CLCA2: variants seen among roughly 807,000 people sequenced by gnomAD.
The protein encoded by CLCA2 is calcium-activated chloride channel regulator 2.
CLCA2 carries 85 observed loss-of-function variants against 82.9 expected under a neutral mutation model. That is an observed-to-expected ratio of 1.03 (90% CI 0.86 to 1.23). The LOEUF is 1.23. Ranked by LOEUF, CLCA2 falls within the 50% of genes most tolerant of loss-of-function variation. CLCA2 has a pLI of 0.00. For missense variants in CLCA2, 1,089 were observed against 1,124.8 expected, an observed-to-expected ratio of 0.97 and a Z score of 0.45; for synonymous variants, 421 against 391.7, an observed-to-expected ratio of 1.07 and a Z score of -0.88.
At position 86,455,866 on chromosome 1, in the gene CLCA2, T is replaced by A. The variant is rs1324726153; in HGVS notation, c.*339T>A. ...CAGAGAAAAGGAGGGTAGGTCTGCATTATAACTGTCTGTGTGAAGCAATCA... is the reference window on the plus strand; with the variant it reads ...CAGAGAAAAGGAGGGTAGGTCTGCAATATAACTGTCTGTGTGAAGCAATCA... On this transcript the variant is annotated 3_prime_UTR_variant, in exon 14 of 14. Transcript: ENST00000370565. 1 of 159,490 alleles carries A rather than the reference T, an allele frequency of 6.3e-6. No individual in the cohort carries two copies. The highest frequency in any genetic ancestry group is 1.4e-5 in the Non-Finnish European group (1 of 73,098). The allele number at this position is 159,490 out of a possible 1,614,324, so 9.9% of individuals were successfully genotyped here. A position where few individuals can be genotyped will look rare whatever the true frequency, so the allele number is the denominator to read the frequency against.
intron 9 of CLCA2, 149 bp downstream of exon 9, chr1:86,441,692 C>A (rs1016125132): frequency 1.8e-6 from 1 of 545,638 alleles, no homozygotes; most frequent in Non-Finnish European, 3.3e-6. Flanking sequence ...GGCTGCTTGG[C>A]ATCACCAGAG....
intron 10 of CLCA2, among the ~76,000 whole-genome samples, chr1:86,447,119 T>C (rs1334053440): frequency 6.6e-6 from 1 of 152,214 alleles, no homozygotes; most frequent in African/African-American, 2.4e-5. Context: ...TTTTCTCAGT[T>C]ATGAAAAGAA....
At position 86,455,485 on chromosome 1, in the gene CLCA2, A is replaced by G. The variant is rs1274103040; in HGVS notation, c.2790A>G (p.Lys930=). The G allele has an allele frequency of 6.6e-7, 1 of 1,506,564 alleles. No individual in the cohort carries two copies. The highest frequency in any genetic ancestry group is 1.4e-5 in the African/African-American group (1 of 71,502). 93.3% of individuals were successfully genotyped at this position (1,506,564 alleles called of 1,614,324 possible). ...TGACACATCATACTTTAAGCAGGAA[A>G]AAGAGAGCAGACAAGAAAGAGAATG... is the stretch of plus-strand genomic sequence containing the variant. ...IVVTHHTLSR[K]KRADKKENGT... Residue 930 remains lysine (K), a synonymous_variant, in exon 14 of 14, where the codon AAA becomes AAG. Coordinates refer to ENST00000370565, the MANE Select transcript of CLCA2 (RefSeq NM_006536.7).
At chr1:86,438,198 G>T (rs923083232) in intron 6 of CLCA2, among the ~76,000 whole-genome samples, 2 of 152,150 alleles carry the variant, frequency 1.3e-5, no homozygotes, top group Non-Finnish European at 1.5e-5. Context: ...AGCTCAGCTT[G>T]CTGCTCCTCT....
At position 86,453,439 on chromosome 1, in the gene CLCA2, C is replaced by G; in HGVS notation, c.2226C>G (p.Ser742Arg). The G allele has an allele frequency of 6.2e-7, 1 of 1,614,022 alleles. No individual in the cohort carries two copies. The highest frequency in any genetic ancestry group is 2.2e-5 in the East Asian group (1 of 44,860). The change falls in exon 13 of 14, where the codon AGC becomes AGG. Residue 742 changes from serine (S) to arginine (R), a missense_variant. By Grantham distance (110) the Ser-to-Arg change is moderately radical. Transcript: ENST00000370565. ...AGGAGGAGCGAAAGTGGGGCTTTAG[C>G]CGAGTCAGCTCAGGAGGCTCCTTTT... ...RNEEERKWGF[S>R]RVSSGGSFSV...
chr1:86,433,181 A>C (rs754784609), intron 5 of CLCA2, among the ~76,000 whole-genome samples: 1 of 152,234 alleles, frequency 6.6e-6, no homozygotes, highest in African/African-American at 2.4e-5. Flanking sequence ...CACCAGATGC[A>C]TAGTCAGAGA....
intron 4 of CLCA2, among the ~76,000 whole-genome samples, chr1:86,431,297 T>C (rs1054137081): frequency 6.6e-6 from 1 of 152,226 alleles, no homozygotes; most frequent in Non-Finnish European, 1.5e-5. Context: ...CAATATTTCT[T>C]CAGGCAAATT....
chr1:86,435,200 A>G (rs1379754719), intron 6 of CLCA2, among the ~76,000 whole-genome samples: 1 of 152,164 alleles, frequency 6.6e-6, no homozygotes, highest in Non-Finnish European at 1.5e-5. Flanking sequence ...GGTTGGGAGG[A>G]ACAAATTCAG....
chr1:86,430,899 G>A lies in CLCA2; in HGVS notation c.513G>A (p.Trp171Ter). The A allele has an allele frequency of 1.9e-6, 3 of 1,613,756 alleles. No homozygotes were observed. Among genetic ancestry groups the A allele is most frequent in the Non-Finnish European group, 2.5e-6 (3 of 1,179,832 alleles). ...VFVHEWAHLR[W>*]GVFDEYNNDK... The stretch of plus-strand genomic sequence containing the variant: ...TCCATGAATGGGCCCACCTCCGTTG[G>A]GGTGTGTTCGATGAGTATAACAATG... The change falls in exon 4 of 14, where the codon TGG (tryptophan) becomes TGA (stop). Residue 171 changes from tryptophan (W) to a stop codon, truncating the protein, a stop_gained. Transcript: ENST00000370565. LOFTEE classifies it high-confidence loss of function.
rs34979893 is a variant in CLCA2 at position 86,434,682 on chromosome 1, G to A, written c.909G>A (p.Ser303=). Residue 303 remains serine (S), a synonymous_variant, in exon 6 of 14, where the codon TCG becomes TCA. Coordinates refer to ENST00000370565, the MANE Select transcript of CLCA2 (RefSeq NM_006536.7). ...AGCTTCCACCTCCTCCCACATTCTCGCTTGTACAGGCTGGTGACAAAGTGG... is the reference window on the plus strand; with the variant it reads ...AGCTTCCACCTCCTCCCACATTCTCACTTGTACAGGCTGGTGACAAAGTGG... ...GTELPPPPTF[S]LVQAGDKVVC... is the part of the protein sequence containing the mutation. 1,323 of 1,613,952 alleles carry A rather than the reference G, an allele frequency of 8.2e-4. 9 individuals are homozygous for A. The highest frequency in any genetic ancestry group is 2.6e-4 in the Non-Finnish European group (307 of 1,179,982).
At chr1:86,426,224 A>G (rs184980301) in intron 2 of CLCA2, among the ~76,000 whole-genome samples, 28 of 152,300 alleles carry the variant, frequency 1.8e-4, no homozygotes, top group African/African-American at 6.7e-4. Flanking sequence ...AGCTACCAGA[A>G]GGGCCAGAAG....
intron 6 of CLCA2, among the ~76,000 whole-genome samples, chr1:86,435,532 T>C (rs1293980102): frequency 1.3e-5 from 2 of 152,210 alleles, no homozygotes; most frequent in Non-Finnish European, 2.9e-5. Flanking sequence ...CTGCTTTAAC[T>C]GATTAAAGTC....
chr1:86,445,461 G>A (rs1052465), intron 10 of CLCA2: 1 of 121,666 alleles, frequency 8.2e-6, no homozygotes, highest in South Asian at 2.9e-4. Context: ...CACTATTTTT[G>A]TTTCTGATTT....
In CLCA2 at chr1:86,453,560, C is replaced by T. The variant is rs1191988626; in HGVS notation, c.2347C>T (p.Leu783=). The T allele has an allele frequency of 1.2e-6, 2 of 1,614,006 alleles. No individual in the cohort carries two copies. Among genetic ancestry groups the T allele is most frequent in the Admixed American group, 3.3e-5 (2 of 59,994 alleles). The part of the protein sequence containing the change: ...EAVKVEEELT[L]SWTAPGEDFD... Reference sequence around the variant, plus strand: ...TGTAAAAGTAGAAGAGGAATTGACCCTATCTTGGACAGCACCTGGAGAAGA... The same window carrying T: ...TGTAAAAGTAGAAGAGGAATTGACCTTATCTTGGACAGCACCTGGAGAAGA... The change falls in exon 13 of 14, where the codon CTA becomes TTA. Residue 783 remains leucine, a synonymous_variant. Coordinates refer to ENST00000370565, the MANE Select transcript of CLCA2 (RefSeq NM_006536.7).
intron 8 of CLCA2, 113 bp downstream of exon 8, chr1:86,440,438 T>TA: frequency 1.0e-6 from 1 of 993,990 alleles, no homozygotes; most frequent in Non-Finnish European, 1.4e-6. Flanking sequence ...AAATTGTTTT[T>TA]AAAAAACGCA....
Position 86,438,900 on chromosome 1 carries a change from C to A in CLCA2, c.997C>A (p.Gln333Lys). 1 of 1,614,082 alleles carries A rather than the reference C, an allele frequency of 6.2e-7. No homozygotes were observed. The highest frequency in any genetic ancestry group is 1.1e-5 in the South Asian group (1 of 91,080). ...AEADRLLQLQ[Q>K]AAEFYLMQIV... is the part of the protein sequence containing the mutation. The stretch of plus-strand genomic sequence containing the variant: ...GGCTGACAGACTCCTTCAACTACAA[C>A]AAGCCGCAGAATTTTATTTGATGCA... Residue 333 changes from glutamine (Q) to lysine (K), a missense_variant, in exon 7 of 14, where the codon CAA becomes AAA. Transcript: ENST00000370565.
In CLCA2 at chr1:86,432,540, C is replaced by T; in HGVS notation, c.744+12C>T. The T allele has an allele frequency of 6.2e-7, 1 of 1,611,374 alleles. No homozygotes were observed. The highest frequency in any genetic ancestry group is 8.5e-7 in the Non-Finnish European group (1 of 1,178,848). On this transcript the variant is annotated intron_variant, in intron 5 of 13. Coordinates refer to ENST00000370565, the MANE Select transcript of CLCA2 (RefSeq NM_006536.7). The stretch of plus-strand genomic sequence containing the variant: ...AAAGTTTATCTTCTGTAAGTATGCC[C>T]TTGGAATGACACACTCTTGCAGGAT...
At chr1:86,445,719 C>T (rs999758903) in intron 10 of CLCA2, among the ~76,000 whole-genome samples, 5 of 151,898 alleles carry the variant, frequency 3.3e-5, no homozygotes, top group Middle Eastern at 3.2e-3. Context: ...TAGTACAGAG[C>T]ATGTAAGATT....
rs1229683116 is a variant in CLCA2 at position 86,443,993 on chromosome 1, G to A, written c.1695G>A (p.Trp565Ter). The part of the protein sequence containing the change: ...TNLTFRTASL[W>*]IPGTAKPGHW... ...TAACTTTTCGGACAGCTAGTCTTTG[G>A]ATTCCAGGAACAGCTAAGGTAGGTG... Residue 565 changes from tryptophan to a stop codon, truncating the protein, a stop_gained, in exon 10 of 14, where the codon TGG (tryptophan) becomes TGA (stop). Coordinates refer to ENST00000370565, the MANE Select transcript of CLCA2 (RefSeq NM_006536.7). LOFTEE classifies it high-confidence loss of function. 1.2e-6 allele frequency: 2 copies of A among 1,610,652 alleles called. No homozygotes were observed. The highest frequency in any genetic ancestry group is 2.2e-5 in the East Asian group (1 of 44,848).
Sources: allele counts gnomAD v4.1 joint callset (sites outside exome capture counted in the v4.1 genomes callset), GRCh38; gene constraint gnomAD v4.1.1; transcripts MANE v1.5; gene names NCBI Gene and HGNC (gene_info 2026-07-23, HGNC 2026-07-21).